Variants in MCC observed in about 807,000 individuals in gnomAD.
MCC encodes MCC regulator of Wnt signaling pathway.
A neutral mutation model predicts 116.2 loss-of-function variants in MCC; 90 were observed. The ratio of observed to expected loss-of-function variants is 0.77; its 90% CI spans 0.65 to 0.92. The LOEUF (loss-of-function observed/expected upper bound fraction) is 0.92, where lower values mean the gene tolerates loss of function less well. MCC is among the 40% of genes least tolerant of loss of function. The probability of loss-of-function intolerance (pLI) is 0.00; values close to 1 mark genes in which losing one functional copy is unlikely to be tolerated. For synonymous variants in MCC, 578 were observed against 510.5 expected (o/e 1.13, Z -1.78); for missense variants, 1,516 against 1,312.2 (o/e 1.16, Z -2.40).
At chr5:113,186,910 T>A (rs1489769209) in intron 3 of MCC, among the ~76,000 whole-genome samples, 1 of 152,096 alleles carries the variant, frequency 6.6e-6, no homozygotes, top group East Asian at 1.9e-4. Context: ...GCTACTAGCA[T>A]CTACTGGGTA....
chr5:113,151,431 A>G lies in MCC; in HGVS notation c.628-9T>C. ...AGGGCTGCTGAATGGAGCTGTGGTG[A>G]CAGAAAGGAGGAGATTAGAGTATTG... is the stretch of plus-strand genomic sequence containing the variant. On this transcript the variant is annotated splice_polypyrimidine_tract_variant and intron_variant, in intron 3 of 18. Transcript: ENST00000408903. The G allele has an allele frequency of 6.6e-7, 1 of 1,507,540 alleles. No individual in the cohort carries two copies. The highest frequency in any genetic ancestry group is 9.2e-7 in the Non-Finnish European group (1 of 1,086,840). The allele number at this position is 1,507,540 out of a possible 1,614,324, so 93.4% of individuals were successfully genotyped here.
At chr5:113,298,707 T>C (rs551174330) in intron 3 of MCC, among the ~76,000 whole-genome samples, 6 of 152,274 alleles carry the variant, frequency 3.9e-5, no homozygotes, top group East Asian at 1.9e-4. Flanking sequence ...GGGATGCTGA[T>C]ACTTCTTCCT....
At chr5:113,318,254 C>T (rs73781512) in intron 3 of MCC, among the ~76,000 whole-genome samples, 4,765 of 152,192 alleles carry the variant, frequency 0.031, 247 homozygotes, top group African/African-American at 0.1. Flanking sequence ...AGAGATGAAA[C>T]AATTTCCCCA....
intron 2 of MCC, among the ~76,000 whole-genome samples, chr5:113,354,961 C>T (rs1768374929): frequency 6.6e-6 from 1 of 151,500 alleles, no homozygotes. Context: ...AATCTCTGTA[C>T]ATGTATATAT....
At chr5:113,439,114 G>A (rs1410751667) in intron 1 of MCC, among the ~76,000 whole-genome samples, 1 of 152,180 alleles carries the variant, frequency 6.6e-6, no homozygotes, top group African/African-American at 2.4e-5. Flanking sequence ...AAACCAGGTT[G>A]AAAATTCCAA....
At chr5:113,140,799 C>G (rs975491312) in intron 5 of MCC, among the ~76,000 whole-genome samples, 2 of 152,152 alleles carry the variant, frequency 1.3e-5, no homozygotes, top group Non-Finnish European at 2.9e-5. Flanking sequence ...GTATGACAAG[C>G]AATTCTGTAG....
chr5:113,343,135 T>G (rs1235427748), intron 2 of MCC, among the ~76,000 whole-genome samples: 1 of 152,236 alleles, frequency 6.6e-6, no homozygotes, highest in Non-Finnish European at 1.5e-5. Flanking sequence ...GATATGAATG[T>G]CCAGTCTCCT....
chr5:113,029,844 T>C (rs1014661318), intron 17 of MCC, among the ~76,000 whole-genome samples: 60 of 152,210 alleles, frequency 3.9e-4, no homozygotes, highest in African/African-American at 1.4e-3. Flanking sequence ...CTCCACTTAG[T>C]AGCACACTCA....
chr5:113,410,155 T>C (rs1350876118), intron 1 of MCC, among the ~76,000 whole-genome samples: 1 of 152,176 alleles, frequency 6.6e-6, no homozygotes, highest in African/African-American at 2.4e-5. Flanking sequence ...GTGTACTCCA[T>C]GTAGCAAAAA....
chr5:113,471,594 C>G (rs750300332), intron 1 of MCC, among the ~76,000 whole-genome samples: 1 of 152,020 alleles, frequency 6.6e-6, no homozygotes, highest in Non-Finnish European at 1.5e-5. Context: ...GGGGTGCCTC[C>G]CAGTTAGGCT....
At chr5:113,153,935 A>G (rs1760028927) in intron 3 of MCC, among the ~76,000 whole-genome samples, 1 of 152,258 alleles carries the variant, frequency 6.6e-6, no homozygotes, top group African/African-American at 2.4e-5. Context: ...CCAAGGCCAC[A>G]GCACTCTTTT....
rs1475301996 is a variant in MCC at position 113,049,118 on chromosome 5, C to A, written c.2630G>T (p.Ser877Ile). Residue 877 changes from serine to isoleucine, a missense_variant, in exon 16 of 19, where the codon AGC (serine) becomes ATC (isoleucine). Coordinates refer to ENST00000408903, the MANE Select transcript of MCC (RefSeq NM_001085377.2). The part of the protein sequence containing the change: ...QRMRSLSSTS[S>I]GSKDKPGKEC... ...CTTGCCAGGTTTGTCTTTGCTGCCG[C>A]TGCTGGTGGAGCTGAGGGATCGCAT... 1.9e-6 allele frequency: 3 copies of A among 1,614,076 alleles called. No homozygotes were observed. In the African/African-American group the frequency reaches 4.0e-5, roughly 22 times the overall value.
At chr5:113,312,182 C>A (rs143972294) in intron 3 of MCC, among the ~76,000 whole-genome samples, 5,169 of 152,010 alleles carry the variant, frequency 0.034, 117 homozygotes, top group East Asian at 0.075. Context: ...GAGGCTGAGG[C>A]AGGAGAATCA....
At chr5:113,394,883 A>G (rs1290558523) in intron 1 of MCC, among the ~76,000 whole-genome samples, 2 of 152,230 alleles carry the variant, frequency 1.3e-5, no homozygotes, top group Non-Finnish European at 2.9e-5. Context: ...CTGTAAATCT[A>G]GTTTATTGGA....
intron 17 of MCC, among the ~76,000 whole-genome samples, chr5:113,032,009 G>C (rs1750985870): frequency 6.6e-6 from 1 of 152,222 alleles, no homozygotes; most frequent in Non-Finnish European, 1.5e-5. Context: ...TTTATTTAAA[G>C]ATGCAAAGAC....
At chr5:113,465,486 G>A (rs888735351) in intron 1 of MCC, among the ~76,000 whole-genome samples, 2 of 151,938 alleles carry the variant, frequency 1.3e-5, no homozygotes, top group Admixed American at 6.6e-5. Flanking sequence ...TTTAACATAC[G>A]CAAAAGGAAA....
At chr5:113,374,034 C>A (rs1187445280) in intron 2 of MCC, among the ~76,000 whole-genome samples, 1 of 151,960 alleles carries the variant, frequency 6.6e-6, no homozygotes, top group Non-Finnish European at 1.5e-5. Context: ...GTAGCTGGGA[C>A]CACAGGCCCA....
intron 12 of MCC, among the ~76,000 whole-genome samples, chr5:113,069,287 G>C (rs1218675394): frequency 6.6e-6 from 1 of 152,322 alleles, no homozygotes; most frequent in Non-Finnish European, 1.5e-5. Flanking sequence ...GTTTGAGTTT[G>C]GATTTCTAGG....
intron 3 of MCC, among the ~76,000 whole-genome samples, chr5:113,332,280 G>A (rs1767717642): frequency 6.6e-6 from 1 of 151,502 alleles, no homozygotes; most frequent in South Asian, 2.1e-4. Context: ...CTGGCCTTAA[G>A]CAATCCTCCC....
Sources: gnomAD v4.1 joint callset for allele counts (sites outside exome capture counted in the v4.1 genomes callset) on GRCh38, gnomAD v4.1.1 for gene constraint, MANE v1.5 for transcripts, NCBI Gene and HGNC (gene_info 2026-07-23, HGNC 2026-07-21) for gene names.